Variants in KCNQ1 observed in about 807,000 individuals in gnomAD.
KCNQ1 encodes potassium voltage-gated channel subfamily Q member 1.
In KCNQ1, 49 loss-of-function variants were observed where a neutral mutation model predicts 72.4. The ratio of observed to expected loss-of-function variants is 0.68; its 90% CI spans 0.54 to 0.86. The LOEUF (loss-of-function observed/expected upper bound fraction) is 0.86. KCNQ1 is among the 40% of genes least tolerant of loss of function. The pLI, the probability that KCNQ1 is intolerant of heterozygous loss-of-function variation, is 0.00. For synonymous variants in KCNQ1, 450 were observed against 412.6 expected (o/e 1.09, Z -1.10); for missense variants, 790 against 945.1 (o/e 0.84, Z 2.15).
rs922961105 is a variant in KCNQ1 at position 2,464,091 on chromosome 11, G to A, written c.386+18607G>A. On this transcript the variant is annotated intron_variant, in intron 1 of 15. Coordinates refer to ENST00000155840, the MANE Select transcript of KCNQ1 (RefSeq NM_000218.3). This position sits in a 1 kb window ranked among gnomAD's most constrained non-coding sequence, Gnocchi z 5.0. ...GGGCCGGGATGTTTGCAGGACCCAC[G>A]GGACAATTAGAACGACTGGGCCTGA... 3.9e-5 allele frequency among the ~76,000 whole-genome samples: 6 copies of A among 152,162 alleles called. No homozygotes were observed. Among genetic ancestry groups the A allele is most frequent in the African/African-American group, 9.7e-5 (4 of 41,438 alleles).
At chr11:2,686,610 C>T (rs2133886823) in intron 11 of KCNQ1, 2 of 398,690 alleles carry the variant, frequency 5.0e-6, no homozygotes, top group East Asian at 7.1e-5. Flanking sequence ...GCACTTTTCA[C>T]ATGAGCGTGG....
chr11:2,609,596 C>G (rs1198568437), intron 10 of KCNQ1: 4 of 398,274 alleles, frequency 1.0e-5, no homozygotes, highest in Admixed American at 4.4e-5. Flanking sequence ...CTTTCTTGTA[C>G]TACACATTAT....
intron 8 of KCNQ1, among the ~76,000 whole-genome samples, chr11:2,586,474 T>A (rs555718938): frequency 6.6e-6 from 1 of 152,106 alleles, no homozygotes; most frequent in African/African-American, 2.4e-5. Flanking sequence ...GGGGACCACA[T>A]TGGATTCCTG....
Position 2,695,952 on chromosome 11 carries a change from C to G in KCNQ1, c.1514+33871C>G, listed in dbSNP as rs1850669383. 1 of 398,444 alleles carries G rather than the reference C, an allele frequency of 2.5e-6. No individual in the cohort carries two copies. The highest frequency in any genetic ancestry group is 2.1e-5 in the African/African-American group (1 of 48,596). The allele number at this position is 398,444 out of a possible 1,614,324, so 24.7% of individuals were successfully genotyped here. A position where few individuals can be genotyped will look rare whatever the true frequency, so the allele number is the denominator to read the frequency against. On this transcript the variant is annotated intron_variant, in intron 11 of 15. Coordinates refer to ENST00000155840, the MANE Select transcript of KCNQ1 (RefSeq NM_000218.3). The surrounding 1 kb of genome is among the most constrained non-coding windows in gnomAD (Gnocchi z 5.2). The stretch of plus-strand genomic sequence containing the variant: ...GGTATATTTTAGCTGTTGTTCCCTC[C>G]TCAGCTTTAATTGTTTCAAATATCT...
chr11:2,653,420 A>G lies in KCNQ1; in HGVS notation c.1394-8541A>G, dbSNP rs1849788128. On this transcript the variant is annotated intron_variant, in intron 10 of 15. Transcript: ENST00000155840. The surrounding 1 kb of genome is among the most constrained non-coding windows in gnomAD (Gnocchi z 5.3). Reference sequence around the variant, plus strand: ...TAACAAATGATGGAACCCCAACTCAAACAAGCTTAAGCACAAAAGGGACAT... The same window carrying G: ...TAACAAATGATGGAACCCCAACTCAGACAAGCTTAAGCACAAAAGGGACAT... The G allele has an allele frequency of 2.5e-6, 1 of 398,558 alleles. No homozygotes were observed. Among genetic ancestry groups the G allele is most frequent in the Non-Finnish European group, 4.4e-6 (1 of 226,128 alleles). The allele number at this position is 398,558 out of a possible 1,614,324, so 24.7% of individuals were successfully genotyped here.
rs558470427 is a variant in KCNQ1, at chr11:2,632,892, A to C, written c.1394-29069A>C. 11 of 398,490 alleles carry C rather than the reference A, an allele frequency of 2.8e-5. 1 individual carries two copies. The South Asian group carries it at 1.4e-3, about 51-fold the overall frequency. 24.7% of individuals were successfully genotyped at this position (398,490 alleles called of 1,614,324 possible). Reference sequence around the variant, plus strand: ...CTGCAATAAACATGAGAATGCAAATATCTTTTTTATATACTGATTTCCTTT... The same window carrying C: ...CTGCAATAAACATGAGAATGCAAATCTCTTTTTTATATACTGATTTCCTTT... On this transcript the variant is annotated intron_variant, in intron 10 of 15. Coordinates refer to ENST00000155840, the MANE Select transcript of KCNQ1 (RefSeq NM_000218.3).
In KCNQ1 at chr11:2,592,660, G is replaced by T. The variant is rs1170360739; in HGVS notation, c.1393+3806G>T. 3.3e-5 allele frequency among the ~76,000 whole-genome samples: 5 copies of T among 152,270 alleles called. No individual in the cohort carries two copies. Among genetic ancestry groups the T allele is most frequent in the Non-Finnish European group, 7.3e-5 (5 of 68,048 alleles). On this transcript the variant is annotated intron_variant, in intron 10 of 15. Transcript: ENST00000155840. This position sits in a 1 kb window ranked among gnomAD's most constrained non-coding sequence, Gnocchi z 5.2. ...CAACCGCATGCCACTTGGCTTGGCA[G>T]TGTCAAAGGGACTGGGGACCTGCGA...
intron 1 of KCNQ1, among the ~76,000 whole-genome samples, chr11:2,512,576 C>T (rs1048718379): frequency 6.6e-6 from 1 of 152,238 alleles, no homozygotes; most frequent in African/African-American, 2.4e-5. Context: ...CCCGCAGTGG[C>T]TTCCGGGGAT....
intron 10 of KCNQ1, chr11:2,636,670 G>C (rs1849471974): frequency 1.3e-5 from 2 of 152,040 alleles, no homozygotes; most frequent in Non-Finnish European, 2.9e-5. Context: ...TCTCTGCCAG[G>C]CTTTGGTATC....
At chr11:2,786,224 T>TATCAAAATTCTTTTTTCTTAGCAC (rs1477446930) in intron 15 of KCNQ1, among the ~76,000 whole-genome samples, 34 of 152,158 alleles carry the variant, frequency 2.2e-4, no homozygotes, top group South Asian at 4.1e-4. Context: ...GGCCTTAGGT[T>TATCAAAATTCTTTTTTCTTAGCAC]ATCAAAATTC....
intron 15 of KCNQ1, among the ~76,000 whole-genome samples, chr11:2,794,044 T>C (rs1044886398): frequency 2.0e-5 from 3 of 151,964 alleles, no homozygotes; most frequent in African/African-American, 4.8e-5. Flanking sequence ...CCTGAGGCCA[T>C]GAGAGCAGGT....
intron 15 of KCNQ1, among the ~76,000 whole-genome samples, chr11:2,839,009 T>TAGGTGGGCAGGTGGGC (rs61480309): frequency 1.3e-5 from 2 of 151,060 alleles, no homozygotes; most frequent in Non-Finnish European, 3.0e-5. Flanking sequence ...GGGGTTGCAC[T>TAGGTGGGCAGGTGGGC]AGGTGGGCAG....
rs1589984544 is a variant in KCNQ1 at position 2,618,355 on chromosome 11, G to A, written c.1393+29501G>A. On this transcript the variant is annotated intron_variant, in intron 10 of 15. Transcript: ENST00000155840. ...ATGTTTTAACAAAGTTTACAAATTT[G>A]TGTTGGGCCTCATTAAAGCCATCCT... is the stretch of plus-strand genomic sequence containing the variant. 1.5e-5 allele frequency: 6 copies of A among 398,456 alleles called. No individual in the cohort carries two copies. The East Asian group carries it at 1.8e-4, about 12-fold the overall frequency. The allele number at this position is 398,456 out of a possible 1,614,324, so 24.7% of individuals were successfully genotyped here. A position where few individuals can be genotyped will look rare whatever the true frequency, so the allele number is the denominator to read the frequency against.
Position 2,627,427 on chromosome 11 carries a change from A to G in KCNQ1, c.1394-34534A>G, listed in dbSNP as rs375217843. On this transcript the variant is annotated intron_variant, in intron 10 of 15. Transcript: ENST00000155840. The surrounding 1 kb of genome is among the most constrained non-coding windows in gnomAD (Gnocchi z 4.9). ...AAGAACTTATTCATCTGATAACTCT[A>G]TGTTTGTACCCTTCAACATTTCCTA... The G allele has an allele frequency of 9.8e-5, 39 of 398,288 alleles. 2 individuals carry two copies. The highest frequency in any genetic ancestry group is 6.2e-4 in the Middle Eastern group (1 of 1,608). 24.7% of individuals were successfully genotyped at this position (398,288 alleles called of 1,614,324 possible). A position where few individuals can be genotyped will look rare whatever the true frequency, so the allele number is the denominator to read the frequency against.
chr11:2,610,982 A>G (rs1378098200), intron 10 of KCNQ1: 5 of 398,228 alleles, frequency 1.3e-5, no homozygotes, highest in African/African-American at 1.0e-4. Context: ...AGTTAGTACT[A>G]TTATTGTTGA....
chr11:2,697,601 T>C (rs1487324693), intron 11 of KCNQ1: 3 of 398,484 alleles, frequency 7.5e-6, no homozygotes, highest in African/African-American at 4.1e-5. Flanking sequence ...CTTTATCACA[T>C]CATTTTTTTC....
intron 1 of KCNQ1, among the ~76,000 whole-genome samples, chr11:2,525,824 A>G (rs1243868555): frequency 2.0e-5 from 3 of 152,254 alleles, no homozygotes; most frequent in Middle Eastern, 3.4e-3. Context: ...TAGAGATTAA[A>G]TGAAGGAAGT....
Position 2,627,644 on chromosome 11 carries a change from G to A in KCNQ1, c.1394-34317G>A, listed in dbSNP as rs1849282523. The A allele has an allele frequency of 2.5e-6, 1 of 398,348 alleles. No homozygotes were observed. Among genetic ancestry groups the A allele is most frequent in the African/African-American group, 2.1e-5 (1 of 48,572 alleles). The allele number at this position is 398,348 out of a possible 1,614,324, so 24.7% of individuals were successfully genotyped here. A position where few individuals can be genotyped will look rare whatever the true frequency, so the allele number is the denominator to read the frequency against. ...ATTGCATGATTTCCTGCTTTTTAAA[G>A]GATGAATATTTCATTGTGTGTGTGT... On this transcript the variant is annotated intron_variant, in intron 10 of 15. Transcript: ENST00000155840. This position sits in a 1 kb window ranked among gnomAD's most constrained non-coding sequence, Gnocchi z 4.9.
At chr11:2,780,327 A>G (rs1846800385) in intron 15 of KCNQ1, among the ~76,000 whole-genome samples, 1 of 152,208 alleles carries the variant, frequency 6.6e-6, no homozygotes. Flanking sequence ...CTCCGTTATC[A>G]GTGCAGCCAT....
Sources: allele counts gnomAD v4.1 joint callset (sites outside exome capture counted in the v4.1 genomes callset), GRCh38; gene constraint gnomAD v4.1.1; non-coding constraint Gnocchi (gnomAD v3.1); transcripts MANE v1.5; gene names NCBI Gene and HGNC (gene_info 2026-07-23, HGNC 2026-07-21).